Variants in ECE1 observed in about 807,000 individuals in gnomAD.
ECE1 encodes endothelin-converting enzyme 1.
In ECE1, 35 loss-of-function variants were observed where a neutral mutation model predicts 98.6. The observed-to-expected ratio is 0.35, with a 90% CI of 0.27 to 0.47. The LOEUF is 0.47. Ranked by LOEUF, ECE1 falls within the 20% of genes least tolerant of loss-of-function variation. The pLI is 1.00. For synonymous variants in ECE1, 394 were observed against 407.1 expected (o/e 0.97, Z 0.39); for missense variants, 814 against 1,025.3 (o/e 0.79, Z 2.81).
rs1484765162 is a variant in ECE1, at chr1:21,290,287, C to G, written c.51+77G>C. 1 of 1,280,412 alleles carries G rather than the reference C, an allele frequency of 7.8e-7. No homozygotes were observed. The highest frequency in any genetic ancestry group is 2.4e-5 in the South Asian group (1 of 41,108). 79.3% of individuals were successfully genotyped at this position (1,280,412 alleles called of 1,614,324 possible). A position where few individuals can be genotyped will look rare whatever the true frequency, so the allele number is the denominator to read the frequency against. ...CGGCCTGGACACCCGAGACCGAGAC[C>G]GGCCCACGGAGCGGCCCGCGCGGGG... On this transcript the variant is annotated intron_variant, in intron 1 of 18. Transcript: ENST00000374893. The surrounding 1 kb of genome is among the most constrained non-coding windows in gnomAD (Gnocchi z 7.3).
In ECE1 at chr1:21,276,532, G is replaced by A. The variant is rs138807254; in HGVS notation, c.280+2659C>T. Among the ~76,000 whole-genome samples the A allele has an allele frequency of 5.3e-3, 807 of 152,224 alleles. 3 individuals carry two copies. The highest frequency in any genetic ancestry group is 8.6e-3 in the Non-Finnish European group (587 of 68,020). On this transcript the variant is annotated intron_variant, in intron 3 of 18. Transcript: ENST00000374893. ...GTGTAGAATGCTTTCTTTAAAATATGTTCTTGGAGAATGTATTGTTTGTTT... is the reference window on the plus strand; with the variant it reads ...GTGTAGAATGCTTTCTTTAAAATATATTCTTGGAGAATGTATTGTTTGTTT...
intron 1 of ECE1, chr1:21,298,636 G>C: frequency 2.4e-6 from 1 of 411,340 alleles, no homozygotes; most frequent in African/African-American, 2.0e-5. Context: ...CACTAGACCT[G>C]GGGCTCGGTG....
intron 1 of ECE1, among the ~76,000 whole-genome samples, chr1:21,325,010 C>G (rs539281535): frequency 6.6e-6 from 1 of 152,282 alleles, no homozygotes; most frequent in Admixed American, 6.5e-5. Context: ...TATCAGAGGT[C>G]GCCAGGAGGA....
At chr1:21,315,536 G>A (rs550496999) in intron 1 of ECE1, among the ~76,000 whole-genome samples, 1 of 152,286 alleles carries the variant, frequency 6.6e-6, no homozygotes, top group South Asian at 2.1e-4. Context: ...GCTCAGGTTT[G>A]TAGTCCCAGC....
At position 21,345,130 on chromosome 1, in the gene ECE1, T is replaced by G. The variant is rs2103424571; in HGVS notation, c.3+246A>C. The G allele has an allele frequency of 3.2e-6, 1 of 310,124 alleles. No homozygotes were observed. The highest frequency in any genetic ancestry group is 1.4e-4 in the South Asian group (1 of 6,926). 19.2% of individuals were successfully genotyped at this position (310,124 alleles called of 1,614,324 possible). On this transcript the variant is annotated intron_variant, in intron 1 of 18. Coordinates refer to the ECE1 transcript ENST00000415912. This position sits in a 1 kb window ranked among gnomAD's most constrained non-coding sequence, Gnocchi z 5.1. Reference sequence around the variant, plus strand: ...GGACCCCGAGCCCCCCACATCCGGCTGGGACCAGAACCAAGCTCGGCGCGG... The same window carrying G: ...GGACCCCGAGCCCCCCACATCCGGCGGGGACCAGAACCAAGCTCGGCGCGG...
At position 21,258,616 on chromosome 1, in the gene ECE1, C is replaced by A; in HGVS notation, c.762+77G>T. 1 of 1,532,872 alleles carries A rather than the reference C, an allele frequency of 6.5e-7. No homozygotes were observed. Among genetic ancestry groups the A allele is most frequent in the East Asian group, 2.5e-5 (1 of 40,234 alleles). The allele number at this position is 1,532,872 out of a possible 1,614,324, so 95.0% of individuals were successfully genotyped here. ...CCACCCAGGGCAAGCCCCTCTCCCA[C>A]CCCAGGTCCTGCTAAACTCAAAACA... On this transcript the variant is annotated intron_variant, in intron 6 of 18. Transcript: ENST00000374893. This position sits in a 1 kb window ranked among gnomAD's most constrained non-coding sequence, Gnocchi z 4.2.
rs769034411 is a variant in ECE1 at position 21,220,027 on chromosome 1, C to T, written c.2241G>A (p.Lys747=). The T allele has an allele frequency of 9.3e-6, 15 of 1,614,074 alleles. No individual in the cohort carries two copies. In the South Asian group the frequency reaches 1.4e-4, roughly 15 times the overall value. ...FRVIGSLSNS[K]EFSEHFRCPP... ...GGCAGCGGAAGTGTTCTGAGAACTC[C>T]TTGGAATTGGAGAGGGAGCCGATGA... Residue 747 remains lysine, a synonymous_variant, in exon 19 of 19, where the codon AAG becomes AAA. Transcript: ENST00000374893. The surrounding 1 kb of genome is among the most constrained non-coding windows in gnomAD (Gnocchi z 5.0).
At position 21,280,788 on chromosome 1, in the gene ECE1, G is replaced by A. The variant is rs148050395; in HGVS notation, c.139-1456C>T. Among the ~76,000 whole-genome samples, 683 of 152,260 alleles carry A rather than the reference G, an allele frequency of 4.5e-3. 3 individuals are homozygous for A. The highest frequency in any genetic ancestry group is 0.015 in the African/African-American group (633 of 41,532). ...TGAGGGAAGGGTACTGAGAAGCCAC[G>A]TGGCCATGGTTAGGTATTTACTGGG... On this transcript the variant is annotated intron_variant, in intron 2 of 18. Transcript: ENST00000374893.
chr1:21,227,290 G>A, intron 15 of ECE1, 64 bp from the exon 16 acceptor site: 2 of 1,497,752 alleles, frequency 1.3e-6, no homozygotes, highest in Non-Finnish European at 1.9e-6. Context: ...CTCTTGCTCA[G>A]GTATGTGACC....
In ECE1 at chr1:21,233,851, T is replaced by C. The variant is rs961342498; in HGVS notation, c.1567-190A>G. On this transcript the variant is annotated intron_variant, in intron 13 of 18. Transcript: ENST00000374893. This position sits in a 1 kb window ranked among gnomAD's most constrained non-coding sequence, Gnocchi z 4.0. The stretch of plus-strand genomic sequence containing the variant: ...GGGGCACGAGATGGAATGACACCGT[T>C]GCAGGATGTGCCTACAGCAGTGCCT... Among the ~76,000 whole-genome samples the C allele has an allele frequency of 2.0e-5, 3 of 152,140 alleles. No individual in the cohort carries two copies. Among genetic ancestry groups the C allele is most frequent in the Non-Finnish European group, 4.4e-5 (3 of 68,012 alleles).
chr1:21,260,460 C>T lies in ECE1; in HGVS notation c.494-68G>A. On this transcript the variant is annotated intron_variant, in intron 4 of 18. Transcript: ENST00000374893. This position sits in a 1 kb window ranked among gnomAD's most constrained non-coding sequence, Gnocchi z 4.3. ...CCCACTGGGTGGCTTTGGGGCAGTC[C>T]CTCTTTTCGGAGCCTTGGTGTTCTC... is the stretch of plus-strand genomic sequence containing the variant. 1 of 1,595,596 alleles carries T rather than the reference C, an allele frequency of 6.3e-7. No individual in the cohort carries two copies. Among genetic ancestry groups the T allele is most frequent in the Non-Finnish European group, 8.6e-7 (1 of 1,164,412 alleles).
rs1558384317 is a variant in ECE1, at chr1:21,247,376, AGGACAGTGT to A, written c.1021-22_1021-14del. 6.2e-7 allele frequency: 1 copy of A among 1,614,180 alleles called. No individual in the cohort carries two copies. The highest frequency in any genetic ancestry group is 8.5e-7 in the Non-Finnish European group (1 of 1,180,018). Reference sequence around the variant, plus strand: ...CGGGTGCCAAGGTCTGCAAGGGAAAAGGACAGTGTGACCCTGTGGGGCTGCTCCTCCTCA... The same window carrying A: ...CGGGTGCCAAGGTCTGCAAGGGAAAAGACCCTGTGGGGCTGCTCCTCCTCA... On this transcript the variant is annotated splice_polypyrimidine_tract_variant and intron_variant, in intron 8 of 18. Transcript: ENST00000374893.
chr1:21,289,905 C>T (rs1180438369), intron 2 of ECE1, among the ~76,000 whole-genome samples, 165 bp downstream of exon 2: 1 of 136,158 alleles, frequency 7.3e-6, no homozygotes, highest in Non-Finnish European at 1.5e-5. Context: ...CTTCTCAGCG[C>T]GGAGCTCCAG....
chr1:21,243,745 C>G (rs2098199599), intron 10 of ECE1, among the ~76,000 whole-genome samples: 1 of 152,238 alleles, frequency 6.6e-6, no homozygotes, highest in Non-Finnish European at 1.5e-5. Context: ...CATCTCTAAC[C>G]CAGGGCCAGT....
At chr1:21,287,398 C>T (rs908764741) in intron 2 of ECE1, among the ~76,000 whole-genome samples, 20 of 152,094 alleles carry the variant, frequency 1.3e-4, no homozygotes, top group South Asian at 6.2e-4. Flanking sequence ...TGGTGACGTG[C>T]GCCTGTAATC....
intron 8 of ECE1, among the ~76,000 whole-genome samples, chr1:21,248,194 G>A (rs1238039869): frequency 1.3e-5 from 2 of 150,244 alleles, no homozygotes; most frequent in East Asian, 1.9e-4. Context: ...TTTTTGAGAC[G>A]GAGTCTCACT....
At chr1:21,228,676 C>T (rs891261384) in intron 14 of ECE1, among the ~76,000 whole-genome samples, 5 of 151,786 alleles carry the variant, frequency 3.3e-5, no homozygotes, top group Non-Finnish European at 7.4e-5. Flanking sequence ...GTAATCCCAG[C>T]TACGTGGGTG....
chr1:21,345,216 C>A lies in ECE1; in HGVS notation c.3+160G>T. ...AGAGCCGCGCTCTGCCCGGGCGCTC[C>A]CCGACTCCACGCCTTCCGAGAGCCG... On this transcript the variant is annotated intron_variant, in intron 1 of 18. Coordinates refer to the ECE1 transcript ENST00000415912. The surrounding 1 kb of genome is among the most constrained non-coding windows in gnomAD (Gnocchi z 5.1). 9.8e-7 allele frequency: 1 copy of A among 1,022,466 alleles called. No homozygotes were observed. The highest frequency in any genetic ancestry group is 4.7e-5 in the South Asian group (1 of 21,340). The allele number at this position is 1,022,466 out of a possible 1,614,324, so 63.3% of individuals were successfully genotyped here.
intron 3 of ECE1, among the ~76,000 whole-genome samples, chr1:21,274,057 T>C (rs1183444899): frequency 1.3e-5 from 2 of 152,268 alleles, no homozygotes; most frequent in Non-Finnish European, 2.9e-5. Flanking sequence ...GGGACTTTAC[T>C]GAACGTGGCC....
Sources: allele counts gnomAD v4.1 joint callset (sites outside exome capture counted in the v4.1 genomes callset), GRCh38; gene constraint gnomAD v4.1.1; non-coding constraint Gnocchi (gnomAD v3.1); transcripts MANE v1.5; gene names NCBI Gene and HGNC (gene_info 2026-07-23, HGNC 2026-07-21).